The following ADAMTSL1 variants were observed in gnomAD, a reference collection of about 807,000 sequenced individuals.
The protein encoded by ADAMTSL1 is ADAMTS-like protein 1.
Under a neutral mutation model 201.8 loss-of-function variants are expected in ADAMTSL1, and 126 were observed. The ratio of observed to expected loss-of-function variants is 0.62; its 90% CI spans 0.54 to 0.72. The LOEUF is 0.72. ADAMTSL1 is among the 30% of genes least tolerant of loss of function. The pLI is 0.00. For synonymous variants in ADAMTSL1, 1,121 were observed against 903.4 expected, an observed-to-expected ratio of 1.24 and a Z score of -4.32; for missense variants, 2,679 against 2,277.8, an observed-to-expected ratio of 1.18 and a Z score of -3.59.
At chr9:18,828,229 A>C (rs1347513428) in intron 22 of ADAMTSL1, among the ~76,000 whole-genome samples, 1 of 152,200 alleles carries the variant, frequency 6.6e-6, no homozygotes, top group Admixed American at 6.5e-5. Context: ...TGGAGAATTT[A>C]CAGTTTTCCT....
At chr9:18,015,517 G>A (rs922979722) in intron 1 of ADAMTSL1, among the ~76,000 whole-genome samples, 1 of 152,070 alleles carries the variant, frequency 6.6e-6, no homozygotes, top group African/African-American at 2.4e-5. Context: ...TTTATTCAGA[G>A]CTGTCTGTGA....
chr9:17,953,642 A>T (rs1453095685), intron 1 of ADAMTSL1, among the ~76,000 whole-genome samples: 1 of 152,218 alleles, frequency 6.6e-6, no homozygotes, highest in Non-Finnish European at 1.5e-5. Context: ...ATTTAGAAAC[A>T]TATAACATTA....
chr9:17,982,084 T>C (rs147618634), intron 1 of ADAMTSL1, among the ~76,000 whole-genome samples: 220 of 152,316 alleles, frequency 1.4e-3, no homozygotes, highest in African/African-American at 5.0e-3. Flanking sequence ...ACATTTTCCA[T>C]ATGGATAGTT....
At chr9:17,934,742 G>T (rs968277730) in intron 1 of ADAMTSL1, among the ~76,000 whole-genome samples, 1 of 151,882 alleles carries the variant, frequency 6.6e-6, no homozygotes, top group African/African-American at 2.4e-5. Flanking sequence ...CCTGCATGTA[G>T]TTCATGTATT....
At position 18,252,268 on chromosome 9, in the gene ADAMTSL1, A is replaced by C. The variant is rs145239704; in HGVS notation, c.207+88287A>C. On this transcript the variant is annotated intron_variant, in intron 2 of 29. Coordinates refer to the ADAMTSL1 transcript ENST00000680146. The stretch of plus-strand genomic sequence containing the variant: ...AAATAGGCAAATAATTCGAAAGTGG[A>C]ATCCAAATGGCCTATAGACATGAAC... 4.8e-3 allele frequency among the ~76,000 whole-genome samples: 737 copies of C among 152,254 alleles called. 6 individuals carry two copies. The highest frequency in any genetic ancestry group is 0.016 in the African/African-American group (673 of 41,572).
chr9:18,574,749 C>T (rs528278245), intron 4 of ADAMTSL1, among the ~76,000 whole-genome samples: 2 of 152,198 alleles, frequency 1.3e-5, no homozygotes, highest in Admixed American at 1.3e-4. Context: ...AATTCAGACA[C>T]ACTGTAGAGA....
chr9:17,956,063 A>G (rs953780888), intron 1 of ADAMTSL1, among the ~76,000 whole-genome samples: 1 of 152,220 alleles, frequency 6.6e-6, no homozygotes, highest in South Asian at 2.1e-4. Flanking sequence ...CTGTGGAAAA[A>G]TCTGAATAGT....
intron 1 of ADAMTSL1, among the ~76,000 whole-genome samples, chr9:17,998,945 A>G (rs1327557118): frequency 1.3e-5 from 2 of 151,984 alleles, no homozygotes; most frequent in African/African-American, 4.8e-5. Flanking sequence ...TAATTCATTT[A>G]TTTTTTTAAA....
chr9:18,241,742 G>A (rs754246379), intron 2 of ADAMTSL1, among the ~76,000 whole-genome samples: 1 of 152,062 alleles, frequency 6.6e-6, no homozygotes, highest in African/African-American at 2.4e-5. Context: ...ATTATGAGCA[G>A]TTATATACCA....
chr9:18,116,813 C>G (rs1453051608), intron 1 of ADAMTSL1, among the ~76,000 whole-genome samples: 1 of 152,014 alleles, frequency 6.6e-6, no homozygotes, highest in Non-Finnish European at 1.5e-5. Flanking sequence ...TGTGCTGCAC[C>G]CATTAACTCA....
At chr9:18,635,097 C>T (rs1827026328) in intron 5 of ADAMTSL1, among the ~76,000 whole-genome samples, 1 of 151,452 alleles carries the variant, frequency 6.6e-6, no homozygotes. Flanking sequence ...TCCTCTGTGC[C>T]AATGTCAGAA....
intron 19 of ADAMTSL1, among the ~76,000 whole-genome samples, chr9:18,788,706 A>C (rs1432952820): frequency 1.3e-5 from 2 of 152,144 alleles, no homozygotes; most frequent in Non-Finnish European, 2.9e-5. Flanking sequence ...AAAAATACCC[A>C]TTTTAGGATA....
intron 1 of ADAMTSL1, among the ~76,000 whole-genome samples, chr9:18,029,426 C>T (rs1159400187): frequency 6.6e-6 from 1 of 152,242 alleles, no homozygotes; most frequent in East Asian, 1.9e-4. Flanking sequence ...ACATGTTACA[C>T]CTAAAACCAT....
At chr9:18,350,993 T>A (rs1411152) in intron 2 of ADAMTSL1, among the ~76,000 whole-genome samples, 148,367 of 152,284 alleles carry the variant, frequency 0.97, 72,392 homozygotes, top group East Asian at 1. Context: ...AGCTTTTAGC[T>A]ATGGAGAAAA....
At chr9:18,404,344 T>C (rs929062616) in intron 2 of ADAMTSL1, among the ~76,000 whole-genome samples, 5 of 152,220 alleles carry the variant, frequency 3.3e-5, no homozygotes, top group Non-Finnish European at 5.9e-5. Flanking sequence ...ATCATGGCAG[T>C]TGGTCATCAT....
intron 16 of ADAMTSL1, among the ~76,000 whole-genome samples, 168 bp from the exon 17 acceptor site, chr9:18,770,434 T>A (rs1820623411): frequency 6.6e-6 from 1 of 151,744 alleles, no homozygotes. Context: ...GCTACAAAAT[T>A]CATCTCAAAG....
Position 18,768,296 on chromosome 9 carries a change from A to C in ADAMTSL1, c.2218-2306A>C, listed in dbSNP as rs1820479620. ...GGTCTGCAAGCACGCAGGAGTTGCT[A>C]CAACCACGGAGGAGAGAAGCTGAGT... is the stretch of plus-strand genomic sequence containing the variant. On this transcript the variant is annotated intron_variant, in intron 16 of 28. Transcript: ENST00000380548. Among the ~76,000 whole-genome samples the C allele has an allele frequency of 2.0e-5, 3 of 152,184 alleles. No homozygotes were observed. The South Asian group carries it at 6.2e-4, about 32-fold the overall frequency.
At chr9:17,954,563 T>C (rs1827855743) in intron 1 of ADAMTSL1, among the ~76,000 whole-genome samples, 1 of 152,166 alleles carries the variant, frequency 6.6e-6, no homozygotes, top group South Asian at 2.1e-4. Context: ...CCAAACTTAG[T>C]TACTGATAAA....
chr9:17,907,786 T>C (rs1825779866), intron 1 of ADAMTSL1, among the ~76,000 whole-genome samples: 1 of 152,150 alleles, frequency 6.6e-6, no homozygotes, highest in South Asian at 2.1e-4. Flanking sequence ...TCCTTGGTTT[T>C]CACACTTTCC....
Sources: gnomAD v4.1 joint callset for allele counts (sites outside exome capture counted in the v4.1 genomes callset) on GRCh38, gnomAD v4.1.1 for gene constraint, MANE v1.5 for transcripts, NCBI Gene and HGNC (gene_info 2026-07-23, HGNC 2026-07-21) for gene names.